The following TSPEAR variants were observed in gnomAD, a reference collection of about 807,000 sequenced individuals.
The protein encoded by TSPEAR is thrombospondin type laminin G domain and EAR repeats, also known as thrombospondin-type laminin G domain and EAR repeat-containing protein.
Under a neutral mutation model 71.6 loss-of-function variants are expected in TSPEAR, and 69 were observed. The observed-to-expected ratio is 0.96, with a 90% confidence interval of 0.79 to 1.18. The LOEUF (loss-of-function observed/expected upper bound fraction) is 1.18, where lower values mean the gene tolerates loss of function less well. Ranked by LOEUF, TSPEAR falls within the 50% of genes most tolerant of loss-of-function variation. The pLI is 0.00. For missense variants in TSPEAR, 971 were observed against 894.9 expected, an observed-to-expected ratio of 1.09 and a Z score of -1.09; for synonymous variants, 402 against 387.2, an observed-to-expected ratio of 1.04 and a Z score of -0.45.
At chr21:44,518,270 T>C (rs1555913748) in intron 9 of TSPEAR, 1 of 466,826 alleles carries the variant, frequency 2.1e-6, no homozygotes, top group Non-Finnish European at 4.4e-6. Flanking sequence ...TTTCAGGATT[T>C]TTGTCAAACA....
chr21:44,602,578 C>T (rs587673662), intron 1 of TSPEAR, among the ~76,000 whole-genome samples: 47 of 152,346 alleles, frequency 3.1e-4, no homozygotes, highest in African/African-American at 1.1e-3. Flanking sequence ...CCCCCGGCCC[C>T]GCCTCACTGG....
chr21:44,682,877 C>T (rs1986674708), intron 1 of TSPEAR, among the ~76,000 whole-genome samples: 1 of 152,130 alleles, frequency 6.6e-6, no homozygotes, highest in Non-Finnish European at 1.5e-5. Context: ...AGCAGAGAAG[C>T]GGAAAGAAGG....
chr21:44,505,585 C>CCCCCCCA (rs2052178302), intron 10 of TSPEAR, among the ~76,000 whole-genome samples: 1 of 63,620 alleles, frequency 1.6e-5, no homozygotes, highest in Non-Finnish European at 4.1e-5. Flanking sequence ...CCCCCCCCCC[C>CCCCCCCA]AGCCCCGGCA....
intron 1 of TSPEAR, among the ~76,000 whole-genome samples, chr21:44,589,498 A>G (rs1979608153): frequency 6.6e-6 from 1 of 152,234 alleles, no homozygotes; most frequent in African/African-American, 2.4e-5. Context: ...CCTCTGAGGT[A>G]GATGCCTAGA....
intron 1 of TSPEAR, among the ~76,000 whole-genome samples, chr21:44,679,870 A>T (rs1334796605): frequency 6.6e-6 from 1 of 152,222 alleles, no homozygotes; most frequent in East Asian, 1.9e-4. Flanking sequence ...ACCTCTCATC[A>T]TATACAGAAA....
In TSPEAR at chr21:44,551,005, C is replaced by T. The variant is rs782638553; in HGVS notation, c.303+16780G>A. 1.9e-5 allele frequency: 30 copies of T among 1,604,594 alleles called. No individual in the cohort carries two copies. Among genetic ancestry groups the T allele is most frequent in the Admixed American group, 8.5e-5 (5 of 58,882 alleles). ...GAGGATGACTCAGAGCAGGTGGGCA[C>T]GCAGCACACAGCTTTGCAGCAGACA... On this transcript the variant is annotated intron_variant, in intron 2 of 11. Coordinates refer to ENST00000323084, the MANE Select transcript of TSPEAR (RefSeq NM_144991.3).
rs148743471 is a variant in TSPEAR, at chr21:44,685,038, C to T, written c.82+26395G>A. 9.2e-3 allele frequency among the ~76,000 whole-genome samples: 1,398 copies of T among 152,252 alleles called. 9 individuals are homozygous for T. The highest frequency in any genetic ancestry group is 0.024 in the Middle Eastern group (7 of 294). On this transcript the variant is annotated intron_variant, in intron 1 of 11. Transcript: ENST00000323084. ...AGGTCACTCTCACATGGCCACAGAT[C>T]GGCTCTGGGTCCATAGACTTCTAAG... is the stretch of plus-strand genomic sequence containing the variant.
chr21:44,654,787 T>G, intron 1 of TSPEAR: 1 of 586,394 alleles, frequency 1.7e-6, no homozygotes. Context: ...TGTGTTTTTC[T>G]GTTGAGGTTA....
chr21:44,504,007 G>A (rs1214637975), intron 11 of TSPEAR, among the ~76,000 whole-genome samples: 1 of 149,276 alleles, frequency 6.7e-6, no homozygotes, highest in African/African-American at 2.5e-5. Flanking sequence ...GGAGGAAGCC[G>A]GCCTCGGTGA....
At chr21:44,539,583 T>A in intron 2 of TSPEAR, 1 of 1,611,286 alleles carries the variant, frequency 6.2e-7, no homozygotes, top group Non-Finnish European at 8.5e-7. Context: ...CAGACAGGCT[T>A]GCAACGGACG....
In TSPEAR at chr21:44,710,377, C is replaced by T. The variant is rs1988155938; in HGVS notation, c.82+1056G>A. On this transcript the variant is annotated intron_variant, in intron 1 of 11. Coordinates refer to ENST00000323084, the MANE Select transcript of TSPEAR (RefSeq NM_144991.3). The surrounding 1 kb of genome is among the most constrained non-coding windows in gnomAD (Gnocchi z 4.6). ...CAGCCCGAGGGCTGTCCTGGAGGCA[C>T]AGCCATCCGTCCCTGGGTGGGCAGG... 6.6e-6 allele frequency among the ~76,000 whole-genome samples: 1 copy of T among 151,972 alleles called. No individual in the cohort carries two copies. The highest frequency in any genetic ancestry group is 1.5e-5 in the Non-Finnish European group (1 of 67,980).
chr21:44,669,264 A>C lies in TSPEAR; in HGVS notation c.82+42169T>G, dbSNP rs140604435. ...ATGGTGCAACCCCGCCTCTACTAAA[A>C]ATACAAAAATTAGCTGGGTGTGGTG... On this transcript the variant is annotated intron_variant, in intron 1 of 11. Transcript: ENST00000323084. Among the ~76,000 whole-genome samples the C allele has an allele frequency of 7.3e-3, 1,110 of 152,214 alleles. 17 individuals are homozygous for C. Among genetic ancestry groups the C allele is most frequent in the African/African-American group, 0.025 (1,039 of 41,522 alleles).
chr21:44,638,105 C>G, intron 1 of TSPEAR: 1 of 1,613,620 alleles, frequency 6.2e-7, no homozygotes, highest in African/African-American at 1.3e-5. Context: ...TGTTTCCCTC[C>G]TCTGCCGCCC....
At chr21:44,646,483 T>A in intron 1 of TSPEAR, 1 of 1,612,852 alleles carries the variant, frequency 6.2e-7, no homozygotes, top group Admixed American at 1.7e-5. Context: ...CATGTCTGTC[T>A]GCTCCAGCGC....
intron 1 of TSPEAR, among the ~76,000 whole-genome samples, chr21:44,701,826 C>A (rs1458229598): frequency 1.3e-5 from 2 of 151,726 alleles, no homozygotes; most frequent in African/African-American, 4.9e-5. Context: ...TGTAGTGGTC[C>A]CCGTCCCGGG....
At chr21:44,558,310 ATG>A (rs1569185256) in intron 2 of TSPEAR, 28 of 1,614,092 alleles carry the variant, frequency 1.7e-5, no homozygotes, top group Non-Finnish European at 2.3e-5. Flanking sequence ...TGCTGGCAGC[ATG>A]AAGAGGAAGC....
At chr21:44,626,735 T>G (rs1347173877) in intron 1 of TSPEAR, among the ~76,000 whole-genome samples, 1 of 152,114 alleles carries the variant, frequency 6.6e-6, no homozygotes, top group Non-Finnish European at 1.5e-5. Context: ...GCCGGCTTCC[T>G]GCAGAGGAAG....
In TSPEAR at chr21:44,628,281, G is replaced by A. The variant is rs1477678146; in HGVS notation, c.83-60276C>T. 5 of 392,510 alleles carry A rather than the reference G, an allele frequency of 1.3e-5. 1 individual carries two copies. The highest frequency in any genetic ancestry group is 1.0e-4 in the African/African-American group (4 of 39,046). 24.3% of individuals were successfully genotyped at this position (392,510 alleles called of 1,614,324 possible). Reference sequence around the variant, plus strand: ...TCCTGGCTGCAGACCACAACCCTCCGCTGGTCGCTGGTTGGGGACGGGCCC... The same window carrying A: ...TCCTGGCTGCAGACCACAACCCTCCACTGGTCGCTGGTTGGGGACGGGCCC... On this transcript the variant is annotated intron_variant, in intron 1 of 11. Coordinates refer to ENST00000323084, the MANE Select transcript of TSPEAR (RefSeq NM_144991.3).
At chr21:44,627,616 G>T (rs1555934747) in intron 1 of TSPEAR, 16 of 1,611,794 alleles carry the variant, frequency 9.9e-6, no homozygotes, top group Non-Finnish European at 1.4e-5. Context: ...CTGCAAACCT[G>T]TGTGCTGTGC....
Sources: allele counts gnomAD v4.1 joint callset (sites outside exome capture counted in the v4.1 genomes callset), GRCh38; gene constraint gnomAD v4.1.1; non-coding constraint Gnocchi (gnomAD v3.1); transcripts MANE v1.5; gene names NCBI Gene and HGNC (gene_info 2026-07-23, HGNC 2026-07-21).